EIF3L: variants seen among roughly 807,000 people sequenced by gnomAD.
EIF3L encodes the protein eIEF associated protein HSPC021.
A neutral mutation model predicts 74.6 loss-of-function variants in EIF3L; 32 were observed. The ratio of observed to expected loss-of-function variants is 0.43; its 90% confidence interval spans 0.32 to 0.58. The LOEUF (loss-of-function observed/expected upper bound fraction) is 0.58, where lower values mean the gene tolerates loss of function less well. Ranked by LOEUF, EIF3L falls within the 20% of genes least tolerant of loss-of-function variation. The probability of loss-of-function intolerance (pLI) is 0.06; values close to 1 mark genes in which losing one functional copy is unlikely to be tolerated. For synonymous variants in EIF3L, 256 were observed against 254.4 expected, an observed-to-expected ratio of 1.01 and a Z score of -0.06; for missense variants, 474 against 707.8, an observed-to-expected ratio of 0.67 and a Z score of 3.75.
chr22:37,888,285 CACAT>C (rs1362322843), intron 12 of EIF3L, 137 bp from the exon 13 acceptor site: 2 of 778,002 alleles, frequency 2.6e-6, no homozygotes, highest in African/African-American at 3.4e-5. Context: ...GCTTTGCACA[CACAT>C]AGTGGACACC....
intron 2 of EIF3L, 97 bp from the exon 3 acceptor site, chr22:37,851,183 G>A (rs762089543): frequency 2.8e-5 from 26 of 932,536 alleles, no homozygotes; most frequent in Non-Finnish European, 4.1e-5. Context: ...GGAATTTTAC[G>A]CAGACCTGAG....
chr22:37,857,482 T>C (rs1033602035), intron 4 of EIF3L, among the ~76,000 whole-genome samples: 1 of 151,882 alleles, frequency 6.6e-6, no homozygotes, highest in African/African-American at 2.4e-5. Flanking sequence ...GTGTTTTCAG[T>C]GTACAAGTCT....
chr22:37,859,369 A>AATTTTTTTT, intron 5 of EIF3L, among the ~76,000 whole-genome samples: 1 of 82,776 alleles, frequency 1.2e-5, no homozygotes, highest in African/African-American at 6.4e-5. Context: ...GAGTACGTGA[A>AATTTTTTTT]GTTTCTTTTT....
At chr22:37,867,255 C>A (rs1484021658) in intron 7 of EIF3L, among the ~76,000 whole-genome samples, 1 of 152,086 alleles carries the variant, frequency 6.6e-6, no homozygotes, top group Non-Finnish European at 1.5e-5. Flanking sequence ...TCTCCCTGCT[C>A]AGCCTCCAAA....
chr22:37,888,536 C>T lies in EIF3L; in HGVS notation c.*72C>T. On this transcript the variant is annotated 3_prime_UTR_variant, in exon 13 of 13. Transcript: ENST00000652021. ...GGAAGTGTTTTTGCTACCGTGAAAC[C>T]TTTACCTAGATCAGCCATCAGCCTG... 4.0e-6 allele frequency: 6 copies of T among 1,502,252 alleles called. No individual in the cohort carries two copies. Among genetic ancestry groups the T allele is most frequent in the Non-Finnish European group, 5.5e-6 (6 of 1,082,270 alleles). 93.1% of individuals were successfully genotyped at this position (1,502,252 alleles called of 1,614,324 possible). A position where few individuals can be genotyped will look rare whatever the true frequency, so the allele number is the denominator to read the frequency against.
chr22:37,875,549 A>C (rs1199099264), intron 9 of EIF3L, among the ~76,000 whole-genome samples: 1 of 152,218 alleles, frequency 6.6e-6, no homozygotes, highest in Non-Finnish European at 1.5e-5. Context: ...AAAAGGACTT[A>C]ATTGAAAAAG....
rs34020382 is a variant in EIF3L, at chr22:37,859,374, C to CTTTTTTTTTTTTTTTTTTTT, written c.435+636_435+655dup. ...CTAAATTATAGAGTACGTGAAGTTTCTTTTTTTTTTTTTTTTTTTTTGAGA... is the reference window on the plus strand; with the variant it reads ...CTAAATTATAGAGTACGTGAAGTTTCTTTTTTTTTTTTTTTTTTTTTTTTTTTTTTTTTTTTTTTTTGAGA... On this transcript the variant is annotated intron_variant, in intron 5 of 12. Coordinates refer to ENST00000652021, the MANE Select transcript of EIF3L (RefSeq NM_016091.4). Among the ~76,000 whole-genome samples, 8 of 79,146 alleles carry CTTTTTTTTTTTTTTTTTTTT rather than the reference C, an allele frequency of 1.0e-4. 1 individual carries two copies. The highest frequency in any genetic ancestry group is 1.7e-4 in the Admixed American group (1 of 5,720). The allele number at this position is 79,146 out of a possible 152,430, so 51.9% of individuals were successfully genotyped here.
intron 5 of EIF3L, among the ~76,000 whole-genome samples, chr22:37,861,748 A>G (rs1925869666): frequency 6.6e-6 from 1 of 152,104 alleles, no homozygotes; most frequent in African/African-American, 2.4e-5. Context: ...CTTTGTGGAT[A>G]TGCTAAGAAT....
Position 37,882,394 on chromosome 22 carries a change from C to CT in EIF3L, c.1575+4224dup, listed in dbSNP as rs1313158294. ...GTTCTTAAAAATACATAATTTTAGGCTGAGTGCAGTGGCTCATACCTGTAA... is the reference window on the plus strand; with the variant it reads ...GTTCTTAAAAATACATAATTTTAGGCTTGAGTGCAGTGGCTCATACCTGTAA... On this transcript the variant is annotated intron_variant, in intron 11 of 12. Transcript: ENST00000652021. The CT allele has an allele frequency of 2.0e-5, 3 of 152,142 alleles. No individual in the cohort carries two copies. In the South Asian group the frequency reaches 6.2e-4, roughly 31 times the overall value. 9.4% of individuals were successfully genotyped at this position (152,142 alleles called of 1,614,324 possible). A position where few individuals can be genotyped will look rare whatever the true frequency, so the allele number is the denominator to read the frequency against.
intron 1 of EIF3L, 87 bp downstream of exon 1, chr22:37,849,569 C>A: frequency 6.9e-7 from 1 of 1,458,586 alleles, no homozygotes; most frequent in Non-Finnish European, 9.3e-7. Context: ...AGGCAGCTTC[C>A]GGGTCGCGGC....
chr22:37,875,310 A>C (rs1237635658), intron 9 of EIF3L, among the ~76,000 whole-genome samples: 1 of 151,404 alleles, frequency 6.6e-6, no homozygotes, highest in Non-Finnish European at 1.5e-5. Context: ...CCTGGGAGGC[A>C]GAGGTTGCAG....
chr22:37,877,594 A>T, intron 10 of EIF3L, 80 bp from the exon 11 acceptor site: 1 of 1,488,450 alleles, frequency 6.7e-7, no homozygotes, highest in Non-Finnish European at 9.0e-7. Flanking sequence ...CTGTGCAGAG[A>T]ATGGTGAGGC....
chr22:37,865,292 C>A (rs1275221780), intron 7 of EIF3L, among the ~76,000 whole-genome samples: 1 of 151,434 alleles, frequency 6.6e-6, no homozygotes, highest in Admixed American at 6.6e-5. Flanking sequence ...GGTGAAACCC[C>A]ATCTCTACTA....
At chr22:37,859,374 C>CTTTTTTTTG (rs1925720640) in intron 5 of EIF3L, among the ~76,000 whole-genome samples, 2 of 79,162 alleles carry the variant, frequency 2.5e-5, no homozygotes, top group Non-Finnish European at 4.4e-5. Flanking sequence ...CGTGAAGTTT[C>CTTTTTTTTG]TTTTTTTTTT....
At chr22:37,865,651 AG>A (rs1926111793) in intron 7 of EIF3L, among the ~76,000 whole-genome samples, 1 of 152,188 alleles carries the variant, frequency 6.6e-6, no homozygotes, top group African/African-American at 2.4e-5. Context: ...TGGTGAGCTG[AG>A]AAACCTTCAT....
chr22:37,850,708 G>C (rs1925156753), intron 2 of EIF3L: 1 of 161,098 alleles, frequency 6.2e-6, no homozygotes, highest in Non-Finnish European at 1.4e-5. Flanking sequence ...CTTTTTAGGA[G>C]GTGTCTGAGG....
At chr22:37,849,910 T>C in intron 1 of EIF3L, 105 bp from the exon 2 acceptor site, 2 of 1,265,754 alleles carry the variant, frequency 1.6e-6, no homozygotes, top group African/African-American at 1.5e-5. Flanking sequence ...CAGTGTCTTA[T>C]TCGCCTCTGT....
intron 3 of EIF3L, among the ~76,000 whole-genome samples, chr22:37,854,716 C>T (rs1285346773): frequency 6.6e-6 from 1 of 152,206 alleles, no homozygotes; most frequent in East Asian, 1.9e-4. Context: ...ATCCACCCGC[C>T]TCAGCCTCCC....
intron 8 of EIF3L, 97 bp downstream of exon 8, chr22:37,870,444 A>G: frequency 8.0e-7 from 1 of 1,248,928 alleles, no homozygotes; most frequent in Admixed American, 2.5e-5. Flanking sequence ...CAGATGAGTC[A>G]CCATGTCTTA....
Sources: allele counts gnomAD v4.1 joint callset (sites outside exome capture counted in the v4.1 genomes callset), GRCh38; gene constraint gnomAD v4.1.1; transcripts MANE v1.5; gene names NCBI Gene and HGNC (gene_info 2026-07-23, HGNC 2026-07-21).